SLC9C2: variants seen among roughly 807,000 people sequenced by gnomAD.
SLC9C2 encodes sodium/hydrogen exchanger 11.
In SLC9C2, 75 loss-of-function variants were observed where a neutral mutation model predicts 140.2. The ratio of observed to expected loss-of-function variants is 0.53; its 90% CI spans 0.44 to 0.65. The LOEUF (loss-of-function observed/expected upper bound fraction) is 0.65, where lower values mean the gene tolerates loss of function less well. Ranked by LOEUF, SLC9C2 falls within the 30% of genes least tolerant of loss-of-function variation. The probability of loss-of-function intolerance (pLI) is 0.00; values close to 1 mark genes in which losing one functional copy is unlikely to be tolerated. For synonymous variants in SLC9C2, 375 were observed against 420.9 expected (o/e 0.89, Z 1.34); for missense variants, 1,074 against 1,331.8 (o/e 0.81, Z 3.01).
At position 173,509,451 on chromosome 1, in the gene SLC9C2, A is replaced by AG. The variant is rs1357847604; in HGVS notation, c.3039+116_3039+117insC. ...CAGAGTGAGCCTCTGTCTCAAAAAAAAAAAAAATCAAACACAAATTTCCTT... is the reference window on the plus strand; with the variant it reads ...CAGAGTGAGCCTCTGTCTCAAAAAAAGAAAAAAATCAAACACAAATTTCCTT... On this transcript the variant is annotated intron_variant, in intron 24 of 27. Coordinates refer to ENST00000367714, the MANE Select transcript of SLC9C2 (RefSeq NM_178527.4). The AG allele has an allele frequency of 4.3e-5, 45 of 1,043,960 alleles. 1 individual carries two copies. The highest frequency in any genetic ancestry group is 1.1e-4 in the Admixed American group (3 of 28,060). The allele number at this position is 1,043,960 out of a possible 1,614,324, so 64.7% of individuals were successfully genotyped here. A position where few individuals can be genotyped will look rare whatever the true frequency, so the allele number is the denominator to read the frequency against.
intron 23 of SLC9C2, among the ~76,000 whole-genome samples, chr1:173,513,745 AG>A (rs1321200031): frequency 2.0e-5 from 3 of 152,104 alleles, no homozygotes; most frequent in African/African-American, 7.2e-5. Flanking sequence ...TTGTGATGTT[AG>A]GGTGTTGATT....
At chr1:173,556,164 G>A (rs1053578983) in intron 10 of SLC9C2, among the ~76,000 whole-genome samples, 1 of 152,166 alleles carries the variant, frequency 6.6e-6, no homozygotes, top group African/African-American at 2.4e-5. Flanking sequence ...ATCTGATTAG[G>A]AGGTAATGAG....
intron 11 of SLC9C2, among the ~76,000 whole-genome samples, chr1:173,550,872 AAGAGAGAGAGAGAGAGAG>A (rs143296396): frequency 2.3e-5 from 2 of 86,474 alleles, no homozygotes; most frequent in African/African-American, 6.5e-5. Context: ...GAGCCGTTGA[AAGAGAGAGAGAGAGAGAG>A]AGAGAGAGAG....
At chr1:173,510,467 A>T (rs2101902860) in intron 23 of SLC9C2, among the ~76,000 whole-genome samples, 1 of 152,166 alleles carries the variant, frequency 6.6e-6, no homozygotes, top group Non-Finnish European at 1.5e-5. Flanking sequence ...TATTTATTCT[A>T]ATGCTCTCAT....
At chr1:173,561,850 C>CACACAG (rs150057538) in intron 9 of SLC9C2, among the ~76,000 whole-genome samples, 1 of 124,212 alleles carries the variant, frequency 8.1e-6, no homozygotes, top group South Asian at 2.3e-4. Context: ...GATACACACA[C>CACACAG]ACACAGACAC....
intron 20 of SLC9C2, among the ~76,000 whole-genome samples, 200 bp from the exon 21 acceptor site, chr1:173,524,294 A>G (rs919454869): frequency 6.6e-6 from 1 of 152,178 alleles, no homozygotes; most frequent in Non-Finnish European, 1.5e-5. Context: ...TCACTGACTT[A>G]TTAACTCAGA....
chr1:173,575,446 C>G (rs1665113406), intron 8 of SLC9C2, among the ~76,000 whole-genome samples: 1 of 152,106 alleles, frequency 6.6e-6, no homozygotes, highest in Non-Finnish European at 1.5e-5. Context: ...AGCATTACAC[C>G]AAGTAGATGT....
chr1:173,569,795 A>C (rs1051304899), intron 9 of SLC9C2, among the ~76,000 whole-genome samples: 4 of 152,156 alleles, frequency 2.6e-5, no homozygotes, highest in African/African-American at 9.7e-5. Flanking sequence ...AAAAGAAATA[A>C]AAAATAAAAA....
intron 17 of SLC9C2, among the ~76,000 whole-genome samples, chr1:173,532,282 C>T (rs1384007491): frequency 6.6e-6 from 1 of 151,918 alleles, no homozygotes; most frequent in Non-Finnish European, 1.5e-5. Flanking sequence ...TATCTAACTT[C>T]AATAAATACT....
At chr1:173,544,856 A>T (rs1662725637) in intron 13 of SLC9C2, among the ~76,000 whole-genome samples, 1 of 152,136 alleles carries the variant, frequency 6.6e-6, no homozygotes, top group Non-Finnish European at 1.5e-5. Context: ...AGGGCCTGTC[A>T]TGGGGTAGGG....
chr1:173,564,600 G>C (rs1664329906), intron 9 of SLC9C2, among the ~76,000 whole-genome samples: 2 of 150,792 alleles, frequency 1.3e-5, no homozygotes, highest in African/African-American at 4.9e-5. Context: ...TTCTGGTTAT[G>C]AAACTCTCAC....
intron 4 of SLC9C2, among the ~76,000 whole-genome samples, chr1:173,591,611 A>T (rs758945330): frequency 6.6e-6 from 1 of 152,092 alleles, no homozygotes; most frequent in Non-Finnish European, 1.5e-5. Flanking sequence ...TTTGATTTGC[A>T]TATCTCTATT....
intron 23 of SLC9C2, among the ~76,000 whole-genome samples, chr1:173,511,271 C>T (rs1438810839): frequency 6.6e-6 from 1 of 151,940 alleles, no homozygotes; most frequent in Admixed American, 6.6e-5. Context: ...ACCTCATGAT[C>T]CCCCTGCCTC....
chr1:173,542,048 C>CA (rs1292999953), intron 13 of SLC9C2, among the ~76,000 whole-genome samples: 1 of 151,922 alleles, frequency 6.6e-6, no homozygotes, highest in Admixed American at 6.6e-5. Flanking sequence ...AAAAAACCTT[C>CA]AAAAAATCAA....
rs1291652522 is a variant in SLC9C2 at position 173,534,681 on chromosome 1, T to G, written c.1777A>C (p.Ser593Arg). The G allele has an allele frequency of 6.8e-7, 1 of 1,471,704 alleles. No individual in the cohort carries two copies. Among genetic ancestry groups the G allele is most frequent in the Admixed American group, 2.5e-5 (1 of 40,302 alleles). The allele number at this position is 1,471,704 out of a possible 1,614,324, so 91.2% of individuals were successfully genotyped here. ...AATATAAAAGTCAGAAATGTATTAC[T>G]CCTGAAAAGAGATCAAATAAAATGT... is the stretch of plus-strand genomic sequence containing the variant. ...IEKIHFIPPE[S>R]NTFLTFIFHI... The change falls in exon 16 of 28, where the codon AGT becomes CGT. Residue 593 changes from serine to arginine, a missense_variant and splice_region_variant. By Grantham distance (110) the Ser-to-Arg change is moderately radical (BLOSUM62 -1). Transcript: ENST00000367714.
chr1:173,523,957 C>T lies in SLC9C2; in HGVS notation c.2640+12G>A, dbSNP rs374239085. On this transcript the variant is annotated intron_variant, in intron 21 of 27. Coordinates refer to ENST00000367714, the MANE Select transcript of SLC9C2 (RefSeq NM_178527.4). Reference sequence around the variant, plus strand: ...ATCAAACCTGAGCCAGAATAGAAAACGGAATCTTTACCTTGAAGAAGTCAA... The same window carrying T: ...ATCAAACCTGAGCCAGAATAGAAAATGGAATCTTTACCTTGAAGAAGTCAA... 4.4e-6 allele frequency: 7 copies of T among 1,598,758 alleles called. No individual in the cohort carries two copies. The African/African-American group carries it at 5.4e-5, about 12-fold the overall frequency.
intron 23 of SLC9C2, 144 bp downstream of exon 23, chr1:173,517,393 C>A (rs1023069856): frequency 5.8e-6 from 4 of 689,294 alleles, no homozygotes; most frequent in Non-Finnish European, 9.2e-6. Flanking sequence ...GGATGTGAGA[C>A]ACTAAATCTG....
intron 2 of SLC9C2, 133 bp downstream of exon 2, chr1:173,601,517 T>C (rs192331959): frequency 6.4e-6 from 6 of 942,544 alleles, no homozygotes; most frequent in Admixed American, 2.6e-5. Flanking sequence ...TGAAGCGAGA[T>C]TGACAGTATT....
intron 25 of SLC9C2, among the ~76,000 whole-genome samples, chr1:173,506,220 G>A (rs2101889425): frequency 6.6e-6 from 1 of 152,276 alleles, no homozygotes; most frequent in South Asian, 2.1e-4. Context: ...CTCCCATAAG[G>A]TAGAAACTTA....
Sources: allele counts gnomAD v4.1 joint callset (sites outside exome capture counted in the v4.1 genomes callset), GRCh38; gene constraint gnomAD v4.1.1; transcripts MANE v1.5; gene names NCBI Gene and HGNC (gene_info 2026-07-23, HGNC 2026-07-21).